Variants in DNAJC15 observed in about 807,000 individuals in gnomAD.
The protein encoded by DNAJC15 is DnaJ heat shock protein family (Hsp40) member C15.
DNAJC15 carries 27 observed loss-of-function variants against 22.4 expected under a neutral mutation model. The ratio of observed to expected loss-of-function variants is 1.20; its 90% CI spans 0.89 to 1.66. DNAJC15 has a LOEUF of 1.66. Among genes scored for constraint, DNAJC15 ranks in the 40% most tolerant of loss-of-function variants. The probability of loss-of-function intolerance (pLI) is 0.00; values close to 1 mark genes in which losing one functional copy is unlikely to be tolerated. For missense variants in DNAJC15, 208 were observed against 187.1 expected (o/e 1.11, Z -0.65); for synonymous variants, 79 against 63.2 (o/e 1.25, Z -1.19).
chr13:43,081,664 C>T (rs1400645453), intron 4 of DNAJC15, among the ~76,000 whole-genome samples: 2 of 151,930 alleles, frequency 1.3e-5, no homozygotes, highest in African/African-American at 4.8e-5. Flanking sequence ...GTCTCGATCT[C>T]CTGACTTTGT....
intron 5 of DNAJC15, among the ~76,000 whole-genome samples, chr13:43,093,726 A>G (rs2040726187): frequency 6.6e-6 from 1 of 152,184 alleles, no homozygotes; most frequent in Admixed American, 6.5e-5. Context: ...AAACTGAGAA[A>G]GTTTAAATAT....
chr13:43,077,310 G>C (rs9533379), intron 3 of DNAJC15, among the ~76,000 whole-genome samples: 34,722 of 152,170 alleles, frequency 0.23, 4,557 homozygotes, highest in Non-Finnish European at 0.31. Flanking sequence ...AGCAGAGTGA[G>C]ATAAAGATTA....
chr13:43,103,407 A>C (rs1188451307), intron 5 of DNAJC15, among the ~76,000 whole-genome samples: 1 of 152,256 alleles, frequency 6.6e-6, no homozygotes, highest in African/African-American at 2.4e-5. Context: ...TATTTCAAAC[A>C]GGTATATTTT....
At chr13:43,057,207 CTT>C (rs1025474159) in intron 1 of DNAJC15, among the ~76,000 whole-genome samples, 4 of 152,152 alleles carry the variant, frequency 2.6e-5, no homozygotes, top group Admixed American at 2.6e-4. Context: ...ATTTTCTAAA[CTT>C]TTAGATTTCC....
At chr13:43,034,115 G>T (rs2040416541) in intron 1 of DNAJC15, among the ~76,000 whole-genome samples, 1 of 151,148 alleles carries the variant, frequency 6.6e-6, no homozygotes, top group South Asian at 2.1e-4. Context: ...TGCAATTGAT[G>T]TTGATCTAAT....
chr13:43,092,192 T>A (rs2040718178), intron 5 of DNAJC15, among the ~76,000 whole-genome samples: 1 of 152,238 alleles, frequency 6.6e-6, no homozygotes. Context: ...GATTGTTAAA[T>A]CTTACATATG....
At chr13:43,084,399 T>C (rs2040677653) in intron 4 of DNAJC15, among the ~76,000 whole-genome samples, 1 of 152,144 alleles carries the variant, frequency 6.6e-6, no homozygotes, top group African/African-American at 2.4e-5. Flanking sequence ...TATGAGAAAA[T>C]TGCAACTGAG....
At chr13:43,061,912 C>T (rs982691714) in intron 1 of DNAJC15, among the ~76,000 whole-genome samples, 2 of 152,190 alleles carry the variant, frequency 1.3e-5, no homozygotes, top group African/African-American at 2.4e-5. Context: ...GCCTACCTGT[C>T]ATGTTCAAGT....
chr13:43,104,053 GAT>G (rs1395074733), intron 5 of DNAJC15, among the ~76,000 whole-genome samples: 4 of 151,924 alleles, frequency 2.6e-5, no homozygotes, highest in Non-Finnish European at 4.4e-5. Context: ...ACTTTATTGA[GAT>G]ATAATTTATA....
chr13:43,044,631 G>A (rs188875149), intron 1 of DNAJC15, among the ~76,000 whole-genome samples: 4 of 151,912 alleles, frequency 2.6e-5, no homozygotes, highest in African/African-American at 4.8e-5. Flanking sequence ...TTTGTCTTCC[G>A]AGAGACTTTT....
chr13:43,067,147 A>C (rs2040588014), intron 2 of DNAJC15, among the ~76,000 whole-genome samples: 1 of 152,194 alleles, frequency 6.6e-6, no homozygotes, highest in Non-Finnish European at 1.5e-5. Context: ...TTGGCTATAT[A>C]GAGTTTAGTA....
At chr13:43,077,343 A>G (rs374277577) in intron 3 of DNAJC15, among the ~76,000 whole-genome samples, 7 of 152,190 alleles carry the variant, frequency 4.6e-5, no homozygotes, top group East Asian at 1.9e-4. Context: ...TTTATTAAAG[A>G]GTGCTCTTAG....
intron 1 of DNAJC15, among the ~76,000 whole-genome samples, chr13:43,040,052 T>A (rs2040446241): frequency 6.6e-6 from 1 of 152,034 alleles, no homozygotes; most frequent in Non-Finnish European, 1.5e-5. Flanking sequence ...ATATATACAT[T>A]TAGGACTAGT....
chr13:43,067,865 A>G (rs1475931054), intron 2 of DNAJC15, among the ~76,000 whole-genome samples: 3 of 152,202 alleles, frequency 2.0e-5, no homozygotes, highest in Non-Finnish European at 1.5e-5. Flanking sequence ...GGAAGATGAC[A>G]TCTATGTGAT....
chr13:43,107,182 A>G lies in DNAJC15; in HGVS notation c.387A>G (p.Gly129=). The change falls in exon 6 of 6, where the codon GGA becomes GGG. Residue 129 remains glycine, a synonymous_variant. Transcript: ENST00000379221. Reference sequence around the variant, plus strand: ...CATTTTTCTTTGTTCTCTCAGGTGGATCTCCTTACGTAGCAGCCAAAATAA... The same window carrying G: ...CATTTTTCTTTGTTCTCTCAGGTGGGTCTCCTTACGTAGCAGCCAAAATAA... The part of the protein sequence containing the change: ...VMILNHPDKG[G]SPYVAAKINE... 1.3e-6 allele frequency: 2 copies of G among 1,572,622 alleles called. No homozygotes were observed. The highest frequency in any genetic ancestry group is 1.7e-6 in the Non-Finnish European group (2 of 1,163,378).
In DNAJC15 at chr13:43,069,002, C is replaced by T; in HGVS notation, c.233C>T (p.Pro78Leu). Residue 78 changes from proline to leucine, a missense_variant and splice_region_variant, in exon 3 of 6, where the codon CCT becomes CTT. By Grantham distance (98) the Pro-to-Leu change is moderately conservative (BLOSUM62 -3). Transcript: ENST00000379221. Reference protein sequence around the residue: ...ITETAKKISTPSFSSYYKGGF... With the variant: ...ITETAKKISTLSFSSYYKGGF... ...GAAACTGCAAAGAAGATTTCAACTC[C>T]TGTAAGTTAAACGTGGCTTTAGTTA... 3.7e-6 allele frequency: 6 copies of T among 1,611,230 alleles called. No individual in the cohort carries two copies. The highest frequency in any genetic ancestry group is 2.2e-5 in the East Asian group (1 of 44,688).
intron 4 of DNAJC15, among the ~76,000 whole-genome samples, chr13:43,081,616 T>A (rs2153441448): frequency 6.6e-6 from 1 of 152,046 alleles, no homozygotes; most frequent in South Asian, 2.1e-4. Context: ...TTTTTTGTAT[T>A]TTTAGTAGAG....
intron 5 of DNAJC15, among the ~76,000 whole-genome samples, chr13:43,098,029 T>TGG (rs2040749519): frequency 2.0e-5 from 3 of 151,924 alleles, no homozygotes; most frequent in African/African-American, 7.3e-5. Context: ...GAAAGATCAC[T>TGG]CCTGGGTTTT....
intron 1 of DNAJC15, among the ~76,000 whole-genome samples, chr13:43,063,816 A>G (rs2040570710): frequency 6.6e-6 from 1 of 152,214 alleles, no homozygotes. Context: ...TAGTGAGATG[A>G]AAGAATAAAC....
Sources: gnomAD v4.1 joint callset for allele counts (sites outside exome capture counted in the v4.1 genomes callset) on GRCh38, gnomAD v4.1.1 for gene constraint, MANE v1.5 for transcripts, NCBI Gene and HGNC (gene_info 2026-07-23, HGNC 2026-07-21) for gene names.